Variants in LGALS9 observed in about 807,000 individuals in gnomAD.
LGALS9 encodes the protein galectin 9.
In LGALS9, 26 loss-of-function variants were observed where a neutral mutation model predicts 35.9. The ratio of observed to expected loss-of-function variants is 0.72; its 90% CI spans 0.53 to 1.01. The LOEUF (loss-of-function observed/expected upper bound fraction) is 1.01, where lower values mean the gene tolerates loss of function less well. Among genes scored for constraint, LGALS9 ranks in the 50% least tolerant of loss-of-function variants. The probability of loss-of-function intolerance (pLI) is 0.00; values close to 1 mark genes in which losing one functional copy is unlikely to be tolerated. For missense variants in LGALS9, 347 were observed against 445.8 expected (o/e 0.78, Z 1.99); for synonymous variants, 149 against 172.2 (o/e 0.87, Z 1.06).
intron 3 of LGALS9, 128 bp from the exon 4 acceptor site, chr17:27,642,110 T>C: frequency 1.3e-6 from 2 of 1,502,714 alleles, no homozygotes; most frequent in Non-Finnish European, 1.8e-6. Flanking sequence ...CACACGTTCC[T>C]GTAACTGGCC....
intron 1 of LGALS9, among the ~76,000 whole-genome samples, chr17:27,637,537 G>T (rs934549795): frequency 7.2e-5 from 11 of 152,232 alleles, no homozygotes; most frequent in African/African-American, 2.7e-4. Context: ...GTGGGGCCTG[G>T]GATGGGTGGG....
intron 7 of LGALS9, 52 bp from the exon 8 acceptor site, chr17:27,646,495 G>C (rs1490702659): frequency 6.2e-6 from 10 of 1,611,366 alleles, no homozygotes; most frequent in Non-Finnish European, 8.5e-6. Context: ...CTGGGTGAGT[G>C]CTCGCGCACC....
chr17:27,649,076 G>C lies in LGALS9; in HGVS notation c.*94G>C. ...TCCCAGGCCCAGCCTTTCCAACCCTGCCTGGGATCTGGGCTTTAATGCAGA... is the reference window on the plus strand; with the variant it reads ...TCCCAGGCCCAGCCTTTCCAACCCTCCCTGGGATCTGGGCTTTAATGCAGA... On this transcript the variant is annotated 3_prime_UTR_variant, in exon 11 of 11. Coordinates refer to ENST00000395473, the MANE Select transcript of LGALS9 (RefSeq NM_009587.3). 6.3e-7 allele frequency: 1 copy of C among 1,579,702 alleles called. No homozygotes were observed. The highest frequency in any genetic ancestry group is 8.6e-7 in the Non-Finnish European group (1 of 1,157,350).
chr17:27,643,743 G>A (rs1254744428), intron 5 of LGALS9, 123 bp downstream of exon 5: 7 of 1,427,112 alleles, frequency 4.9e-6, no homozygotes, highest in Non-Finnish European at 6.5e-6. Flanking sequence ...CCACCCAAGA[G>A]TTCCCTGTCT....
At chr17:27,641,881 C>G (rs113046598) in intron 3 of LGALS9, among the ~76,000 whole-genome samples, 6 of 151,494 alleles carry the variant, frequency 4.0e-5, no homozygotes, top group African/African-American at 1.2e-4. Context: ...GGCTGAGGCA[C>G]GAGAATCACT....
chr17:27,640,029 C>T (rs1212320582), intron 2 of LGALS9, among the ~76,000 whole-genome samples: 2 of 146,574 alleles, frequency 1.4e-5, no homozygotes, highest in Non-Finnish European at 3.0e-5. Context: ...AGCCATCATG[C>T]CCAGCCAATT....
intron 3 of LGALS9, among the ~76,000 whole-genome samples, chr17:27,641,835 A>G (rs1265694925): frequency 6.6e-6 from 1 of 151,898 alleles, no homozygotes; most frequent in Admixed American, 6.6e-5. Context: ...TTAGCTGGGT[A>G]TGGTGGTGGG....
chr17:27,646,957 G>T lies in LGALS9; in HGVS notation c.670-73G>T, dbSNP rs1904991654. 3.7e-6 allele frequency: 6 copies of T among 1,604,766 alleles called. No homozygotes were observed. In the East Asian group the frequency reaches 1.3e-4, roughly 36 times the overall value. On this transcript the variant is annotated intron_variant, in intron 8 of 10. Coordinates refer to ENST00000395473, the MANE Select transcript of LGALS9 (RefSeq NM_009587.3). ...ATCATGGGCTTCTTCTCAGCTGACAGCCCAAATTCATGGGAACTGGTACAA... is the reference window on the plus strand; with the variant it reads ...ATCATGGGCTTCTTCTCAGCTGACATCCCAAATTCATGGGAACTGGTACAA...
chr17:27,634,507 G>A (rs1180225645), intron 1 of LGALS9, among the ~76,000 whole-genome samples: 1 of 152,078 alleles, frequency 6.6e-6, no homozygotes, highest in Non-Finnish European at 1.5e-5. Flanking sequence ...AGCTGAGATC[G>A]CGTCAACACA....
At chr17:27,646,628 G>A (rs760018986) in intron 8 of LGALS9, 40 bp downstream of exon 8, 2 of 1,612,992 alleles carry the variant, frequency 1.2e-6, no homozygotes, top group African/African-American at 2.7e-5. Flanking sequence ...TCTGTTTGTG[G>A]TGGGCAGGCT....
chr17:27,643,476 G>T (rs1346379425), intron 4 of LGALS9, 49 bp from the exon 5 acceptor site: 1 of 1,608,938 alleles, frequency 6.2e-7, no homozygotes. Flanking sequence ...GCTTCTCCTT[G>T]GCTCTATTAA....
intron 10 of LGALS9, among the ~76,000 whole-genome samples, chr17:27,647,785 C>G (rs536513183): frequency 1.3e-5 from 2 of 152,242 alleles, no homozygotes; most frequent in African/African-American, 4.8e-5. Flanking sequence ...ACCCCACATG[C>G]TGGGGGCACA....
chr17:27,636,380 C>T (rs948217454), intron 1 of LGALS9, among the ~76,000 whole-genome samples: 2 of 152,232 alleles, frequency 1.3e-5, no homozygotes, highest in Admixed American at 6.5e-5. Context: ...TACCCTCCCT[C>T]GCTTGCTTCC....
At chr17:27,634,114 G>C (rs2074418191) in intron 1 of LGALS9, among the ~76,000 whole-genome samples, 1 of 152,238 alleles carries the variant, frequency 6.6e-6, no homozygotes, top group South Asian at 2.1e-4. Flanking sequence ...TAATGATTTT[G>C]AAGGTCAGAT....
chr17:27,631,812 G>C (rs1306768609), intron 1 of LGALS9, among the ~76,000 whole-genome samples: 7 of 152,072 alleles, frequency 4.6e-5, no homozygotes, highest in Non-Finnish European at 8.8e-5. Context: ...AGTGTATCTA[G>C]TGTGTTTGAA....
Position 27,647,304 on chromosome 17 carries a change from G to T in LGALS9, c.793G>T (p.Ala265Ser). 1 of 1,614,128 alleles carries T rather than the reference G, an allele frequency of 6.2e-7. No individual in the cohort carries two copies. Among genetic ancestry groups the T allele is most frequent in the Non-Finnish European group, 8.5e-7 (1 of 1,180,036 alleles). Residue 265 changes from alanine to serine, a missense_variant, in exon 10 of 11, where the codon GCC (alanine) becomes TCC (serine). Ala to Ser is a moderately conservative substitution (Grantham distance 99, BLOSUM62 1). Coordinates refer to ENST00000395473, the MANE Select transcript of LGALS9 (RefSeq NM_009587.3). ...CAACCTGTGCTCTGGGAACCACATC[G>T]CCTTCCACCTGAACCCCCGTTTTGA... The part of the protein sequence containing the change: ...HINLCSGNHI[A>S]FHLNPRFDEN...
In LGALS9 at chr17:27,645,503, T is replaced by G. The variant is rs1904866195; in HGVS notation, c.576+154T>G. 14 of 1,247,178 alleles carry G rather than the reference T, an allele frequency of 1.1e-5. 4 individuals carry two copies. Among genetic ancestry groups the G allele is most frequent in the Admixed American group, 7.4e-5 (3 of 40,574 alleles). The allele number at this position is 1,247,178 out of a possible 1,614,324, so 77.3% of individuals were successfully genotyped here. ...TGCCCGGCCTGGTGAGGTTGGGGGT[T>G]GGATGTGGGGGTTGGATGAAACAAC... On this transcript the variant is annotated intron_variant, in intron 6 of 10. Coordinates refer to ENST00000395473, the MANE Select transcript of LGALS9 (RefSeq NM_009587.3).
chr17:27,643,768 C>A (rs555360211), intron 5 of LGALS9, 148 bp downstream of exon 5: 21 of 1,332,754 alleles, frequency 1.6e-5, no homozygotes, highest in Admixed American at 5.8e-5. Flanking sequence ...CCGCTGGGCA[C>A]CCAGAGCTGG....
intron 1 of LGALS9, among the ~76,000 whole-genome samples, chr17:27,637,389 A>G (rs1390492340): frequency 7.2e-5 from 11 of 152,234 alleles, no homozygotes; most frequent in African/African-American, 1.9e-4. Context: ...TAGGCTTCCC[A>G]AGGTCACTCA....
Sources: allele counts gnomAD v4.1 joint callset (sites outside exome capture counted in the v4.1 genomes callset), GRCh38; gene constraint gnomAD v4.1.1; transcripts MANE v1.5; gene names NCBI Gene and HGNC (gene_info 2026-07-23, HGNC 2026-07-21).